ARHGAP28: variants seen among roughly 807,000 people sequenced by gnomAD.
ARHGAP28 encodes Rho GTPase activating protein 28.
A neutral mutation model predicts 90.7 loss-of-function variants in ARHGAP28; 56 were observed. That is an observed-to-expected ratio of 0.62 (90% CI 0.50 to 0.77). ARHGAP28 has a LOEUF of 0.77. Ranked by LOEUF, ARHGAP28 falls within the 30% of genes least tolerant of loss-of-function variation. ARHGAP28 has a pLI of 0.00. For missense variants in ARHGAP28, 869 were observed against 900.9 expected, an observed-to-expected ratio of 0.96 and a Z score of 0.45; for synonymous variants, 308 against 323.3, an observed-to-expected ratio of 0.95 and a Z score of 0.51.
intron 2 of ARHGAP28, among the ~76,000 whole-genome samples, chr18:6,830,192 A>G (rs996483080): frequency 2.5e-4 from 38 of 152,198 alleles, no homozygotes; most frequent in African/African-American, 9.2e-4. Flanking sequence ...GAACATTCCA[A>G]TTCCACTCTA....
chr18:6,856,305 G>T (rs1164604387), intron 4 of ARHGAP28, among the ~76,000 whole-genome samples: 3 of 152,078 alleles, frequency 2.0e-5, no homozygotes, highest in Non-Finnish European at 2.9e-5. Context: ...TCCCAAAGCA[G>T]TTTTTTAATC....
intron 1 of ARHGAP28, among the ~76,000 whole-genome samples, chr18:6,781,354 G>A (rs540396845): frequency 1.8e-4 from 27 of 152,290 alleles, no homozygotes; most frequent in Middle Eastern, 3.4e-3. Context: ...TCCAGTTTCT[G>A]GAAGGAACTG....
intron 1 of ARHGAP28, among the ~76,000 whole-genome samples, chr18:6,799,301 G>A (rs1009007690): frequency 1.3e-5 from 2 of 148,310 alleles, no homozygotes; most frequent in Admixed American, 6.6e-5. Context: ...TGTGAAAATG[G>A]CCATACTACC....
chr18:6,816,965 C>G (rs948351998), intron 1 of ARHGAP28, among the ~76,000 whole-genome samples: 16 of 151,940 alleles, frequency 1.1e-4, no homozygotes, highest in African/African-American at 3.9e-4. Flanking sequence ...TGGTGCACAC[C>G]TGTAGTCCCA....
intron 1 of ARHGAP28, among the ~76,000 whole-genome samples, chr18:6,762,158 G>C (rs548163070): frequency 6.6e-6 from 1 of 152,152 alleles, no homozygotes; most frequent in African/African-American, 2.4e-5. Flanking sequence ...CAAGCTGTCA[G>C]CCTTTCTGGC....
chr18:6,849,506 ATCT>A (rs145599872), intron 3 of ARHGAP28, among the ~76,000 whole-genome samples: 14,121 of 152,214 alleles, frequency 0.093, 983 homozygotes, highest in East Asian at 0.31. Context: ...AGAATGTTAC[ATCT>A]TCTTAGCAGA....
At position 6,824,801 on chromosome 18, in the gene ARHGAP28, C is replaced by T. The variant is rs1402251603; in HGVS notation, c.162C>T (p.Leu54=). The change falls in exon 2 of 18, where the codon CTC becomes CTT. Residue 54 remains leucine, a synonymous_variant. Coordinates refer to ENST00000383472, the MANE Select transcript of ARHGAP28 (RefSeq NM_001366230.1). ...IPRCRRINRM[L]SNESLHPPAF... ...GCTGCCGAAGAATTAACAGGATGCT[C>T]TCCAATGAATCCCTCCATCCTCCTG... 1 of 1,535,994 alleles carries T rather than the reference C, an allele frequency of 6.5e-7. No individual in the cohort carries two copies. Among genetic ancestry groups the T allele is most frequent in the Admixed American group, 2.0e-5 (1 of 50,938 alleles).
rs186196146 is a variant in ARHGAP28 at position 6,890,955 on chromosome 18, T to C, written c.1848+412T>C. ...AGGAATAGCTAATCCTTAAATTATT[T>C]TGTGTAACTTCATTGCATTCCAAGG... On this transcript the variant is annotated intron_variant, in intron 14 of 17. Transcript: ENST00000383472. Among the ~76,000 whole-genome samples, 80 of 152,350 alleles carry C rather than the reference T, an allele frequency of 5.3e-4. 1 individual carries two copies. The highest frequency in any genetic ancestry group is 1.9e-3 in the African/African-American group (79 of 41,590).
At chr18:6,839,050 C>T (rs142330471) in intron 3 of ARHGAP28, among the ~76,000 whole-genome samples, 97 of 152,264 alleles carry the variant, frequency 6.4e-4, no homozygotes, top group Non-Finnish European at 1.1e-3. Flanking sequence ...GTCCTTATGT[C>T]TAGTGGCACT....
chr18:6,729,934 C>T lies in ARHGAP28; in HGVS notation c.113C>T (p.Pro38Leu). The part of the protein sequence containing the change: ...RCAPRAAASH[P>L]LSRKSIPRCR... ...GCGCCCCGCGCCGCAGCCAGCCACC[C>T]GCTCAGCAGGTACCCGGAGCCGCTC... Residue 38 changes from proline to leucine, a missense_variant, in exon 1 of 18, where the codon CCG becomes CTG. By Grantham distance (98) the Pro-to-Leu change is moderately conservative. Transcript: ENST00000383472. The T allele has an allele frequency of 7.2e-7, 1 of 1,381,200 alleles. No individual in the cohort carries two copies. The highest frequency in any genetic ancestry group is 9.3e-7 in the Non-Finnish European group (1 of 1,071,676). 85.6% of individuals were successfully genotyped at this position (1,381,200 alleles called of 1,614,324 possible). A position where few individuals can be genotyped will look rare whatever the true frequency, so the allele number is the denominator to read the frequency against.
intron 1 of ARHGAP28, among the ~76,000 whole-genome samples, chr18:6,738,904 T>G (rs747525563): frequency 6.6e-6 from 1 of 152,186 alleles, no homozygotes; most frequent in Non-Finnish European, 1.5e-5. Context: ...TAATGCTCAT[T>G]TGGTAATCAG....
At chr18:6,847,275 C>A (rs2056873030) in intron 3 of ARHGAP28, among the ~76,000 whole-genome samples, 1 of 152,008 alleles carries the variant, frequency 6.6e-6, no homozygotes, top group Non-Finnish European at 1.5e-5. Flanking sequence ...ATACGCACAC[C>A]CCCACCCCTA....
At chr18:6,769,398 T>A (rs2056224995) in intron 1 of ARHGAP28, among the ~76,000 whole-genome samples, 1 of 152,216 alleles carries the variant, frequency 6.6e-6, no homozygotes, top group Admixed American at 6.5e-5. Context: ...TGGATGTGAA[T>A]TTTCTTTCTC....
chr18:6,814,932 GCTT>G (rs1460497306), intron 1 of ARHGAP28, among the ~76,000 whole-genome samples: 7 of 152,182 alleles, frequency 4.6e-5, no homozygotes, highest in African/African-American at 1.7e-4. Flanking sequence ...GCCAGAAAAA[GCTT>G]CTTTTTGCTC....
At chr18:6,843,242 A>C (rs557454691) in intron 3 of ARHGAP28, among the ~76,000 whole-genome samples, 35 of 152,218 alleles carry the variant, frequency 2.3e-4, no homozygotes, top group African/African-American at 7.9e-4. Flanking sequence ...CCTCACTGGG[A>C]CAGCCGCCAC....
At chr18:6,787,546 T>C (rs1212866493) in intron 1 of ARHGAP28, among the ~76,000 whole-genome samples, 1 of 152,174 alleles carries the variant, frequency 6.6e-6, no homozygotes, top group South Asian at 2.1e-4. Context: ...ATCTAGGCCC[T>C]ACCCCCGGAA....
chr18:6,758,134 G>A (rs2056127423), intron 1 of ARHGAP28, among the ~76,000 whole-genome samples: 2 of 152,218 alleles, frequency 1.3e-5, no homozygotes, highest in Non-Finnish European at 2.9e-5. Context: ...CTGTGTCACT[G>A]CATGGAGTTG....
At chr18:6,789,937 C>T (rs1174838446) in intron 1 of ARHGAP28, 3 of 151,948 alleles carry the variant, frequency 2.0e-5, no homozygotes, top group Non-Finnish European at 2.9e-5. Flanking sequence ...AAGTGATTCT[C>T]ATGCCGCAGC....
At chr18:6,756,617 A>G (rs146475409) in intron 1 of ARHGAP28, among the ~76,000 whole-genome samples, 4 of 152,200 alleles carry the variant, frequency 2.6e-5, no homozygotes, top group African/African-American at 4.8e-5. Context: ...TATATATGAA[A>G]GGGAGTTTAT....
Sources: allele counts gnomAD v4.1 joint callset (sites outside exome capture counted in the v4.1 genomes callset), GRCh38; gene constraint gnomAD v4.1.1; transcripts MANE v1.5; gene names NCBI Gene and HGNC (gene_info 2026-07-23, HGNC 2026-07-21).